IRAG2: variants seen among roughly 807,000 people sequenced by gnomAD.
IRAG2 encodes lymphoid restricted membrane protein.
A neutral mutation model predicts 69.9 loss-of-function variants in IRAG2; 45 were observed. The observed-to-expected ratio is 0.64, with a 90% CI of 0.51 to 0.83. The LOEUF is 0.83. IRAG2 is among the 40% of genes least tolerant of loss of function. IRAG2 has a pLI of 0.00. For synonymous variants in IRAG2, 193 were observed against 202.4 expected (o/e 0.95, Z 0.40); for missense variants, 520 against 587.0 (o/e 0.89, Z 1.18).
At chr12:25,037,837 T>C (rs541497916) in intron 15 of IRAG2, 10 of 395,582 alleles carry the variant, frequency 2.5e-5, no homozygotes, top group African/African-American at 1.2e-4. Flanking sequence ...CAATTGAGAA[T>C]TGGTACTCAT....
intron 2 of IRAG2, among the ~76,000 whole-genome samples, chr12:25,009,176 C>A (rs73067049): frequency 2.0e-4 from 30 of 151,966 alleles, no homozygotes; most frequent in African/African-American, 7.3e-4. Context: ...CATGGTGGCA[C>A]ACGCCTGTAA....
chr12:25,027,103 C>A, intron 9 of IRAG2, among the ~76,000 whole-genome samples: 1 of 151,132 alleles, frequency 6.6e-6, no homozygotes. Flanking sequence ...TTAAAGTATA[C>A]AAGTCAGTGT....
At chr12:25,063,684 C>T (rs1445678777) in intron 3 of IRAG2, 36 bp from the exon 4 acceptor site, 2 of 398,654 alleles carry the variant, frequency 5.0e-6, no homozygotes, top group Non-Finnish European at 8.9e-6. Flanking sequence ...TGTTACATTC[C>T]TTTAGATGGC....
At chr12:25,079,808 G>A (rs923674639) in intron 9 of IRAG2, 45 bp downstream of exon 9, 3 of 1,256,842 alleles carry the variant, frequency 2.4e-6, no homozygotes, top group South Asian at 1.2e-5. Context: ...TCTAAAACAC[G>A]AAGCAAGTCT....
chr12:25,023,975 G>A (rs73076093), intron 8 of IRAG2: 32,984 of 985,442 alleles, frequency 0.033, 669 homozygotes, highest in Non-Finnish European at 0.039. Context: ...TCATATCATC[G>A]TGGTTTATGG....
At chr12:25,063,472 ATGT>A (rs1256904575) in intron 3 of IRAG2, among the ~76,000 whole-genome samples, 1 of 152,210 alleles carries the variant, frequency 6.6e-6, no homozygotes, top group Non-Finnish European at 1.5e-5. Flanking sequence ...GGAGTTGATG[ATGT>A]TAGCATTCTC....
intron 3 of IRAG2, 127 bp from the exon 4 acceptor site, chr12:25,063,593 C>T (rs1945777347): frequency 5.0e-6 from 2 of 396,248 alleles, no homozygotes; most frequent in Admixed American, 8.8e-5. Context: ...TTATTTTCTT[C>T]TTGATCTCTC....
intron 14 of IRAG2, chr12:25,093,741 C>A: frequency 6.4e-6 from 1 of 155,986 alleles, no homozygotes; most frequent in South Asian, 1.8e-4. Flanking sequence ...CCAAGCCTGC[C>A]AATTCTTGAG....
intron 9 of IRAG2, chr12:25,026,942 T>G: frequency 4.6e-6 from 3 of 648,864 alleles, no homozygotes; most frequent in Non-Finnish European, 6.6e-6. Context: ...TGTCTATGCC[T>G]CATTGACAAA....
At chr12:25,002,660 T>G (rs1944400509), upstream of IRAG2, among the ~76,000 whole-genome samples, 1 of 151,644 alleles carries the variant, frequency 6.6e-6, no homozygotes, top group African/African-American at 2.4e-5. Flanking sequence ...TTTTTTTTTT[T>G]GGACAGAGTC....
intron 10 of IRAG2, among the ~76,000 whole-genome samples, chr12:25,084,041 A>G (rs1029360827): frequency 1.3e-5 from 2 of 150,016 alleles, no homozygotes; most frequent in East Asian, 2.0e-4. Flanking sequence ...CTCTATAAAC[A>G]TAAGGAGAGC....
At chr12:25,047,166 A>G (rs1944801641) in intron 16 of IRAG2, among the ~76,000 whole-genome samples, 1 of 152,228 alleles carries the variant, frequency 6.6e-6, no homozygotes. Flanking sequence ...ATAAACAAAA[A>G]TCAATTAAAA....
intron 20 of IRAG2, among the ~76,000 whole-genome samples, chr12:25,105,056 C>A (rs12425900): frequency 0.37 from 54,386 of 146,298 alleles, 12,476 homozygotes; most frequent in East Asian, 0.77. Flanking sequence ...AAGTGCCTAA[C>A]CTTACTTGGT....
At chr12:25,063,684 C>A in intron 3 of IRAG2, 36 bp from the exon 4 acceptor site, 1 of 398,768 alleles carries the variant, frequency 2.5e-6, no homozygotes, top group Non-Finnish European at 4.4e-6. Flanking sequence ...TGTTACATTC[C>A]TTTAGATGGC....
upstream of IRAG2, among the ~76,000 whole-genome samples, chr12:25,002,727 T>C (rs1337377329): frequency 4.0e-5 from 6 of 151,702 alleles, no homozygotes; most frequent in Non-Finnish European, 8.8e-5. Flanking sequence ...CTGCAACCTC[T>C]GCCTCCAATG....
At chr12:25,000,074 C>T (rs1393948105), upstream of IRAG2, among the ~76,000 whole-genome samples, 1 of 152,138 alleles carries the variant, frequency 6.6e-6, no homozygotes, top group African/African-American at 2.4e-5. Flanking sequence ...CATTGTATCC[C>T]CAGTATTTGC....
chr12:25,044,848 G>C (rs534234519), intron 16 of IRAG2, among the ~76,000 whole-genome samples: 1 of 152,156 alleles, frequency 6.6e-6, no homozygotes, highest in South Asian at 2.1e-4. Context: ...TTCAATAATG[G>C]ATAGAACATT....
At chr12:25,082,273 A>G (rs1483361029) in intron 9 of IRAG2, among the ~76,000 whole-genome samples, 2 of 152,168 alleles carry the variant, frequency 1.3e-5, no homozygotes, top group African/African-American at 4.8e-5. Context: ...TATGAACCAT[A>G]TGAATCTACT....
chr12:25,079,367 T>C, intron 7 of IRAG2, 31 bp from the exon 8 acceptor site: 1 of 1,609,128 alleles, frequency 6.2e-7, no homozygotes, highest in East Asian at 2.2e-5. Context: ...GGACCTGACA[T>C]TCCAAAACAT....
Sources: gnomAD v4.1 joint callset for allele counts (sites outside exome capture counted in the v4.1 genomes callset) on GRCh38, gnomAD v4.1.1 for gene constraint, MANE v1.5 for transcripts, NCBI Gene and HGNC (gene_info 2026-07-23, HGNC 2026-07-21) for gene names.